Variants in ETF1 observed in about 807,000 individuals in gnomAD.
ETF1 encodes eukaryotic peptide chain release factor subunit 1.
A neutral mutation model predicts 55.1 loss-of-function variants in ETF1; 4 were observed. That is an observed-to-expected ratio of 0.07 (90% CI 0.04 to 0.17). The LOEUF (loss-of-function observed/expected upper bound fraction) is 0.17, where lower values mean the gene tolerates loss of function less well. Among genes scored for constraint, ETF1 ranks in the 10% least tolerant of loss-of-function variants. The pLI is 1.00. For missense variants in ETF1, 142 were observed against 523.6 expected, an observed-to-expected ratio of 0.27 and a Z score of 7.11; for synonymous variants, 157 against 182.3, an observed-to-expected ratio of 0.86 and a Z score of 1.12.
chr5:138,535,790 A>G (rs944469288), intron 2 of ETF1, among the ~76,000 whole-genome samples: 4 of 134,878 alleles, frequency 3.0e-5, no homozygotes, highest in Non-Finnish European at 6.2e-5. Flanking sequence ...CGGGAGGCTG[A>G]GCTGAACCTG....
At chr5:138,518,533 A>AAAAAC (rs1397108617) in intron 3 of ETF1, among the ~76,000 whole-genome samples, 159 bp downstream of exon 3, 1 of 152,158 alleles carries the variant, frequency 6.6e-6, no homozygotes, top group Non-Finnish European at 1.5e-5. Flanking sequence ...TCAATAAACA[A>AAAAAC]AAAACAAAAC....
In ETF1 at chr5:138,512,143, T is replaced by G. The variant is rs1289750233; in HGVS notation, c.733-539A>C. ...TAAGCCTGGGAGATCGAGGCTGCAG[T>G]GAGCCATGATTGCCACTGCACTCCA... is the stretch of plus-strand genomic sequence containing the variant. On this transcript the variant is annotated intron_variant, in intron 6 of 10. Coordinates refer to ENST00000360541, the MANE Select transcript of ETF1 (RefSeq NM_004730.4). Among the ~76,000 whole-genome samples the G allele has an allele frequency of 2.4e-5, 3 of 125,346 alleles. No individual in the cohort carries two copies. In the Admixed American group the frequency reaches 2.9e-4, roughly 12 times the overall value. The allele number at this position is 125,346 out of a possible 152,430, so 82.2% of individuals were successfully genotyped here.
intron 2 of ETF1, among the ~76,000 whole-genome samples, chr5:138,529,988 C>A (rs1444193360): frequency 6.6e-6 from 1 of 152,154 alleles, no homozygotes; most frequent in Non-Finnish European, 1.5e-5. Flanking sequence ...AACACTCCTC[C>A]CACCTCAGAC....
Position 138,542,516 on chromosome 5 carries a change from C to T in ETF1, c.86+317G>A. 3.8e-6 allele frequency: 3 copies of T among 794,580 alleles called. No individual in the cohort carries two copies. The South Asian group carries it at 6.7e-5, about 18-fold the overall frequency. The allele number at this position is 794,580 out of a possible 1,614,324, so 49.2% of individuals were successfully genotyped here. ...CAATAGCACCCGAGTCGGGTGGCAG[C>T]ACCTGGAGCCCGAAGAGGGAGGACC... On this transcript the variant is annotated intron_variant, in intron 2 of 10. Transcript: ENST00000360541.
intron 2 of ETF1, among the ~76,000 whole-genome samples, chr5:138,522,220 T>A (rs2127091909): frequency 6.6e-6 from 1 of 152,192 alleles, no homozygotes; most frequent in South Asian, 2.1e-4. Context: ...ACCCACAGAA[T>A]GGGAGAAAAT....
chr5:138,530,199 T>C lies in ETF1; in HGVS notation c.87-11332A>G, dbSNP rs533542869. Among the ~76,000 whole-genome samples, 328 of 152,306 alleles carry C rather than the reference T, an allele frequency of 2.2e-3. 5 individuals are homozygous for C. Among genetic ancestry groups the C allele is most frequent in the Non-Finnish European group, 2.7e-3 (185 of 68,018 alleles). On this transcript the variant is annotated intron_variant, in intron 2 of 10. Transcript: ENST00000360541. ...ACACAAAAGATCCCTTCTTCCTCCA[T>C]CCTGACTCAATAGTTTCTGAATAGG...
intron 6 of ETF1, among the ~76,000 whole-genome samples, chr5:138,512,251 TATATATA>T (rs1439431155): frequency 9.1e-5 from 1 of 11,000 alleles, no homozygotes; most frequent in African/African-American, 3.4e-4. Context: ...TATATATATA[TATATATA>T]TTTTTTTTTT....
chr5:138,538,918 G>T (rs1395641857), intron 2 of ETF1, among the ~76,000 whole-genome samples: 4 of 152,174 alleles, frequency 2.6e-5, no homozygotes, highest in Non-Finnish European at 5.9e-5. Context: ...GAGGAATTCA[G>T]TGGGGATTCT....
chr5:138,534,628 C>T (rs1174071387), intron 2 of ETF1, among the ~76,000 whole-genome samples: 1 of 152,244 alleles, frequency 6.6e-6, no homozygotes, highest in African/African-American at 2.4e-5. Context: ...AGTCTCAGCA[C>T]ACCTGCTCCT....
At chr5:138,526,929 C>T (rs1437714542) in intron 2 of ETF1, among the ~76,000 whole-genome samples, 2 of 151,902 alleles carry the variant, frequency 1.3e-5, no homozygotes, top group African/African-American at 2.4e-5. Context: ...CTCGATCTCC[C>T]GACCTTGTGA....
chr5:138,535,425 A>G (rs751540906), intron 2 of ETF1, among the ~76,000 whole-genome samples: 2 of 151,616 alleles, frequency 1.3e-5, no homozygotes, highest in Non-Finnish European at 2.9e-5. Context: ...CCTTTTAATA[A>G]AAGATGAATT....
intron 5 of ETF1, chr5:138,513,291 G>T: frequency 1.2e-6 from 1 of 837,446 alleles, no homozygotes; most frequent in Non-Finnish European, 1.4e-6. Flanking sequence ...GAGTGCAGTG[G>T]CGCAATCTTG....
intron 2 of ETF1, 143 bp downstream of exon 2, chr5:138,542,690 G>T (rs908654805): frequency 6.7e-7 from 1 of 1,482,796 alleles, no homozygotes; most frequent in Non-Finnish European, 9.0e-7. Context: ...TCGCCCCTGG[G>T]TCAGGGGCTA....
intron 6 of ETF1, chr5:138,512,000 AC>A: frequency 2.0e-6 from 1 of 494,398 alleles, no homozygotes; most frequent in Non-Finnish European, 2.6e-6. Flanking sequence ...GAATTCTGAG[AC>A]CAGCCTAGGC....
intron 2 of ETF1, among the ~76,000 whole-genome samples, chr5:138,523,482 C>T (rs544832797): frequency 7.2e-5 from 11 of 152,180 alleles, no homozygotes; most frequent in East Asian, 3.9e-4. Context: ...TGCAGTGAGC[C>T]GAGACCACGC....
chr5:138,541,218 G>A (rs777869874), intron 2 of ETF1, among the ~76,000 whole-genome samples: 2 of 152,124 alleles, frequency 1.3e-5, no homozygotes, highest in Non-Finnish European at 2.9e-5. Flanking sequence ...CAACATAATG[G>A]GTCGTGACCT....
At chr5:138,530,174 A>G (rs1305140810) in intron 2 of ETF1, among the ~76,000 whole-genome samples, 1 of 152,258 alleles carries the variant, frequency 6.6e-6, no homozygotes, top group Non-Finnish European at 1.5e-5. Flanking sequence ...ACATGCTCAG[A>G]CACAAAAGAT....
chr5:138,535,609 T>C (rs1393341273), intron 2 of ETF1, among the ~76,000 whole-genome samples: 1 of 150,508 alleles, frequency 6.6e-6, no homozygotes, highest in African/African-American at 2.4e-5. Flanking sequence ...TAATCTCAGA[T>C]ACTTGGGAGG....
rs373790144 is a variant in ETF1, at chr5:138,518,795, C to T, written c.159G>A (p.Ala53=). 114 of 1,613,942 alleles carry T rather than the reference C, an allele frequency of 7.1e-5. No homozygotes were observed. Among genetic ancestry groups the T allele is most frequent in the East Asian group, 1.1e-4 (5 of 44,890 alleles). The change falls in exon 3 of 11, where the codon GCG becomes GCA. Residue 53 remains alanine (A), a synonymous_variant. Coordinates refer to ENST00000360541, the MANE Select transcript of ETF1 (RefSeq NM_004730.4). The part of the protein sequence containing the change: ...DQISRVAKML[A]DEFGTASNIK... ...TGTTAGATGCAGTTCCAAACTCATC[C>T]GCTAACATTTTTGCCACTCGTGAAA...
Sources: gnomAD v4.1 joint callset for allele counts (sites outside exome capture counted in the v4.1 genomes callset) on GRCh38, gnomAD v4.1.1 for gene constraint, MANE v1.5 for transcripts, NCBI Gene and HGNC (gene_info 2026-07-23, HGNC 2026-07-21) for gene names.